The following DPH6 variants were observed in gnomAD, a reference collection of about 807,000 sequenced individuals.
DPH6 encodes diphthamine biosynthesis 6, also known as diphthine--ammonia ligase.
In DPH6, 33 loss-of-function variants were observed where a neutral mutation model predicts 38.2. The observed-to-expected ratio is 0.86, with a 90% CI of 0.65 to 1.15. DPH6 has a LOEUF of 1.15. DPH6 is among the 50% of genes most tolerant of loss of function. The pLI is 0.00. For missense variants in DPH6, 325 were observed against 320.0 expected, an observed-to-expected ratio of 1.02 and a Z score of -0.12; for synonymous variants, 108 against 103.0, an observed-to-expected ratio of 1.05 and a Z score of -0.30.
intron 3 of DPH6, among the ~76,000 whole-genome samples, chr15:35,259,778 C>T (rs1180694876): frequency 1.3e-5 from 2 of 152,166 alleles, no homozygotes; most frequent in African/African-American, 4.8e-5. Flanking sequence ...TTCCTGAAAA[C>T]TTATTTTACT....
In DPH6 at chr15:35,504,731, T is replaced by G. The variant is rs950865213; in HGVS notation, c.312+33543A>C. Among the ~76,000 whole-genome samples, 14 of 152,200 alleles carry G rather than the reference T, an allele frequency of 9.2e-5. 1 individual carries two copies. The highest frequency in any genetic ancestry group is 7.7e-4 in the East Asian group (4 of 5,176). ...ATGCATCACAGGAGACATCATAATC[T>G]TAATTAATCACTGTTTGCCTATGAA... On this transcript the variant is annotated intron_variant, in intron 3 of 8. Transcript: ENST00000256538.
chr15:35,391,857 G>A (rs2053063560), intron 6 of DPH6, among the ~76,000 whole-genome samples: 2 of 152,254 alleles, frequency 1.3e-5, no homozygotes, highest in East Asian at 1.9e-4. Context: ...TCCTGCACCC[G>A]CTGTCCGGCA....
chr15:35,377,725 A>C (rs926356871), intron 7 of DPH6, among the ~76,000 whole-genome samples: 10 of 152,184 alleles, frequency 6.6e-5, no homozygotes, highest in Non-Finnish European at 1.3e-4. Context: ...AAACTGTTCT[A>C]GGTAGAAATA....
At chr15:35,349,056 T>C (rs1277815309) in intron 3 of DPH6, among the ~76,000 whole-genome samples, 1 of 152,220 alleles carries the variant, frequency 6.6e-6, no homozygotes, top group Non-Finnish European at 1.5e-5. Context: ...GGGTTTTGTG[T>C]ATTACATCTC....
At chr15:35,370,473 G>T (rs1001422862), downstream of DPH6, among the ~76,000 whole-genome samples, 2 of 151,636 alleles carry the variant, frequency 1.3e-5, no homozygotes, top group African/African-American at 4.8e-5. Flanking sequence ...AATATGCAAA[G>T]AACTCTTAAA....
chr15:35,453,580 T>G (rs951727426), intron 4 of DPH6, among the ~76,000 whole-genome samples: 1 of 152,156 alleles, frequency 6.6e-6, no homozygotes, highest in African/African-American at 2.4e-5. Flanking sequence ...CTAGGTAGAA[T>G]GTAAGGAAAA....
At chr15:35,517,169 T>G (rs914861420) in intron 3 of DPH6, among the ~76,000 whole-genome samples, 2 of 151,966 alleles carry the variant, frequency 1.3e-5, no homozygotes, top group African/African-American at 2.4e-5. Flanking sequence ...AAAGAAGAAT[T>G]TTTTTTGGAG....
chr15:35,448,091 T>G (rs1238159294), intron 5 of DPH6, among the ~76,000 whole-genome samples: 5 of 152,174 alleles, frequency 3.3e-5, no homozygotes, highest in Non-Finnish European at 5.9e-5. Context: ...CCTTTATCAT[T>G]TCTCTCTCTT....
chr15:35,342,807 T>A (rs1211255492), intron 3 of DPH6, among the ~76,000 whole-genome samples: 1 of 152,244 alleles, frequency 6.6e-6, no homozygotes, highest in Non-Finnish European at 1.5e-5. Flanking sequence ...GGTCTGTTTT[T>A]CTTTATAATT....
the DPH6 span, among the ~76,000 whole-genome samples, chr15:35,156,646 G>A: frequency 1.5e-4 from 23 of 152,068 alleles, no homozygotes; most frequent in Non-Finnish European, 2.9e-4. Context: ...GAAAGACTCC[G>A]TTTTTGTCTT....
At chr15:35,284,123 A>G (rs1200894762) in intron 3 of DPH6, among the ~76,000 whole-genome samples, 2 of 152,198 alleles carry the variant, frequency 1.3e-5, no homozygotes, top group East Asian at 3.8e-4. Flanking sequence ...CATCTTCCAC[A>G]GTCAAACTAT....
the DPH6 span, among the ~76,000 whole-genome samples, chr15:35,188,704 A>C: frequency 6.6e-6 from 1 of 152,122 alleles, no homozygotes; most frequent in Non-Finnish European, 1.5e-5. Context: ...CCACTGCTAA[A>C]ATACTTTGGT....
chr15:35,206,055 GGTA>G, the DPH6 span, among the ~76,000 whole-genome samples: 1 of 152,010 alleles, frequency 6.6e-6, no homozygotes. Flanking sequence ...ATAAAGCAAT[GGTA>G]GTAGAAGTTT....
At chr15:35,363,364 C>T (rs2052629709) in intron 3 of DPH6, among the ~76,000 whole-genome samples, 1 of 152,066 alleles carries the variant, frequency 6.6e-6, no homozygotes, top group Admixed American at 6.6e-5. Context: ...AAGAATTGAG[C>T]ATTTTAACAT....
At chr15:35,424,736 T>C (rs1875306769) in intron 5 of DPH6, among the ~76,000 whole-genome samples, 1 of 151,510 alleles carries the variant, frequency 6.6e-6, no homozygotes, top group South Asian at 2.1e-4. Flanking sequence ...CTCTTCCCAA[T>C]TGAAAACACC....
At chr15:35,445,685 T>A (rs1367096666) in intron 5 of DPH6, among the ~76,000 whole-genome samples, 1 of 152,186 alleles carries the variant, frequency 6.6e-6, no homozygotes, top group African/African-American at 2.4e-5. Flanking sequence ...TTGAAATTTA[T>A]CAAAACACGC....
intron 3 of DPH6, among the ~76,000 whole-genome samples, chr15:35,227,979 C>T (rs762101418): frequency 2.4e-4 from 36 of 152,086 alleles, no homozygotes; most frequent in Non-Finnish European, 3.8e-4. Context: ...ATTGTGGTCA[C>T]AGAAGATGCT....
intron 3 of DPH6, chr15:35,519,060 CT>C (rs1484258742): frequency 6.6e-6 from 1 of 151,812 alleles, no homozygotes; most frequent in Admixed American, 6.6e-5. Flanking sequence ...ACATTTTTCT[CT>C]TCTAATCATA....
chr15:35,503,838 T>C (rs1306845466), intron 3 of DPH6, among the ~76,000 whole-genome samples: 2 of 152,030 alleles, frequency 1.3e-5, no homozygotes, highest in African/African-American at 4.8e-5. Flanking sequence ...CACAGAGAGG[T>C]AAAGTAACTT....
Sources: allele counts gnomAD v4.1 joint callset (sites outside exome capture counted in the v4.1 genomes callset), GRCh38; gene constraint gnomAD v4.1.1; transcripts MANE v1.5; gene names NCBI Gene and HGNC (gene_info 2026-07-23, HGNC 2026-07-21).